The following STAU1 variants were observed in gnomAD, a reference collection of about 807,000 sequenced individuals.
STAU1 encodes the protein staufen double-stranded RNA binding protein 1, also known as double-stranded RNA-binding protein Staufen homolog 1.
In STAU1, 13 loss-of-function variants were observed where a neutral mutation model predicts 62.9. The observed-to-expected ratio is 0.21, with a 90% CI of 0.13 to 0.33. STAU1 has a LOEUF of 0.33. Ranked by LOEUF, STAU1 falls within the 10% of genes least tolerant of loss-of-function variation. The pLI, the probability that STAU1 is intolerant of heterozygous loss-of-function variation, is 1.00. For missense variants in STAU1, 571 were observed against 712.1 expected (o/e 0.80, Z 2.25); for synonymous variants, 269 against 265.1 (o/e 1.01, Z -0.14).
intron 2 of STAU1, among the ~76,000 whole-genome samples, chr20:49,168,219 T>C (rs1403368132): frequency 2.0e-5 from 3 of 152,072 alleles, no homozygotes; most frequent in Non-Finnish European, 4.4e-5. Context: ...TAGCTAGGAT[T>C]ACAGGCATGA....
the STAU1 span, among the ~76,000 whole-genome samples, chr20:49,216,017 A>G: frequency 6.7e-6 from 1 of 148,370 alleles, no homozygotes; most frequent in African/African-American, 2.5e-5. Flanking sequence ...CAAAAAAAAA[A>G]AAAAAAAAAA....
the STAU1 span, among the ~76,000 whole-genome samples, chr20:49,197,665 G>A: frequency 6.6e-6 from 1 of 151,866 alleles, no homozygotes; most frequent in South Asian, 2.1e-4. Context: ...GCCTCCCAAA[G>A]TGCTAGAATT....
At chr20:49,194,672 G>T in the STAU1 span, among the ~76,000 whole-genome samples, 1 of 152,048 alleles carries the variant, frequency 6.6e-6, no homozygotes, top group African/African-American at 2.4e-5. Context: ...CCACCTCCTG[G>T]GTTCAAGCAA....
intron 6 of STAU1, among the ~76,000 whole-genome samples, chr20:49,130,106 T>G (rs1254783846): frequency 2.6e-5 from 4 of 151,834 alleles, no homozygotes. Flanking sequence ...TACACTGTAG[T>G]GTGTACACAC....
rs76776597 is a variant in STAU1 at position 49,172,663 on chromosome 20, T to C, written c.-85+1532A>G. Among the ~76,000 whole-genome samples, 149 of 152,270 alleles carry C rather than the reference T, an allele frequency of 9.8e-4. 1 individual carries two copies. Among genetic ancestry groups the C allele is most frequent in the African/African-American group, 3.6e-3 (148 of 41,554 alleles). On this transcript the variant is annotated intron_variant, in intron 2 of 13. Transcript: ENST00000371856. ...AAAACAGACCAGTGCCAAGACTCAGTTTCTAAGAAACCACCCTTGCTGCTA... is the reference window on the plus strand; with the variant it reads ...AAAACAGACCAGTGCCAAGACTCAGCTTCTAAGAAACCACCCTTGCTGCTA...
intron 1 of STAU1, among the ~76,000 whole-genome samples, chr20:49,180,681 C>T (rs2146575408): frequency 6.6e-6 from 1 of 152,308 alleles, no homozygotes; most frequent in East Asian, 1.9e-4. Context: ...CCTCCTTTAA[C>T]ACAAAGGTTA....
intron 1 of STAU1, chr20:49,179,247 C>CA (rs60527172): frequency 8.6e-4 from 103 of 120,238 alleles, no homozygotes; most frequent in Middle Eastern, 4.1e-3. Context: ...AACTCCACCT[C>CA]AAAAAAAAAA....
chr20:49,118,909 A>G (rs2092398169), intron 9 of STAU1, among the ~76,000 whole-genome samples: 1 of 152,236 alleles, frequency 6.6e-6, no homozygotes, highest in Admixed American at 6.5e-5. Flanking sequence ...CTTTCTAAGA[A>G]GTAACAAAGG....
chr20:49,151,742 A>G lies in STAU1; in HGVS notation c.350T>C (p.Phe117Ser). 6.2e-7 allele frequency: 1 copy of G among 1,608,030 alleles called. No individual in the cohort carries two copies. The highest frequency in any genetic ancestry group is 8.5e-7 in the Non-Finnish European group (1 of 1,178,262). The change falls in exon 5 of 14, where the codon TTT becomes TCT. Residue 117 changes from phenylalanine to serine, a missense_variant. Physicochemically the swap from Phe to Ser is radical, Grantham distance 155 (BLOSUM62 -2). Transcript: ENST00000371856. ...TAAAGGTGGAACTGGAAATGGGTAA[A>G]AGTACCTAGAAATAAAAGGAGGTTA... ...MRGGAYPPRYFYPFPVPPLLY... is the reference protein window; with the variant it reads ...MRGGAYPPRYSYPFPVPPLLY...
chr20:49,187,783 C>CT (rs1315605502), intron 1 of STAU1, among the ~76,000 whole-genome samples: 3 of 138,764 alleles, frequency 2.2e-5, no homozygotes, highest in South Asian at 4.7e-4. Flanking sequence ...ACCCCCCCCC[C>CT]CCCCCGCCTG....
chr20:49,208,975 AC>A, the STAU1 span, among the ~76,000 whole-genome samples: 1 of 142,424 alleles, frequency 7.0e-6, no homozygotes, highest in Non-Finnish European at 1.5e-5. Flanking sequence ...TTACTCTGTC[AC>A]CCATGCTGGA....
the STAU1 span, among the ~76,000 whole-genome samples, chr20:49,197,038 C>T: frequency 2.0e-5 from 3 of 151,806 alleles, no homozygotes; most frequent in Non-Finnish European, 4.4e-5. Flanking sequence ...ACCTGTAGTC[C>T]CAGCTACTCG....
chr20:49,198,397 C>T, the STAU1 span, among the ~76,000 whole-genome samples: 432 of 152,132 alleles, frequency 2.8e-3, 3 homozygotes, highest in Non-Finnish European at 5.1e-3. Context: ...TCCCAGTTTA[C>T]TCAGGAGCCT....
chr20:49,201,000 C>T, the STAU1 span, among the ~76,000 whole-genome samples: 2 of 130,422 alleles, frequency 1.5e-5, no homozygotes, highest in African/African-American at 5.7e-5. Flanking sequence ...GATCATGCCA[C>T]TGCACTCTGC....
the STAU1 span, among the ~76,000 whole-genome samples, chr20:49,203,635 A>G: frequency 6.6e-6 from 1 of 152,224 alleles, no homozygotes; most frequent in Admixed American, 6.5e-5. Context: ...ATATGCATAT[A>G]TAATTACATA....
At chr20:49,196,311 C>T in the STAU1 span, among the ~76,000 whole-genome samples, 1 of 151,538 alleles carries the variant, frequency 6.6e-6, no homozygotes. Context: ...TGGCGGGCGC[C>T]TGTAGTCCCA....
chr20:49,124,903 C>G (rs2092555440), intron 6 of STAU1, among the ~76,000 whole-genome samples: 1 of 151,878 alleles, frequency 6.6e-6, no homozygotes, highest in South Asian at 2.1e-4. Flanking sequence ...AGGAAGCTAG[C>G]CCAGCAAAGT....
At chr20:49,180,912 G>A (rs1047784490) in intron 1 of STAU1, among the ~76,000 whole-genome samples, 18 of 152,090 alleles carry the variant, frequency 1.2e-4, no homozygotes, top group African/African-American at 4.1e-4. Context: ...CCAGTGACAA[G>A]CAGAATCAAT....
At chr20:49,119,937 T>C in intron 9 of STAU1, 45 bp downstream of exon 9, 1 of 1,596,054 alleles carries the variant, frequency 6.3e-7, no homozygotes, top group South Asian at 1.1e-5. Flanking sequence ...TTCCCTAGGG[T>C]GAGGCGAGAG....
Sources: gnomAD v4.1 joint callset for allele counts (sites outside exome capture counted in the v4.1 genomes callset) on GRCh38, gnomAD v4.1.1 for gene constraint, MANE v1.5 for transcripts, NCBI Gene and HGNC (gene_info 2026-07-23, HGNC 2026-07-21) for gene names.